Variants in WWOX observed in about 807,000 individuals in gnomAD.
WWOX encodes WW domain containing oxidoreductase.
Under a neutral mutation model 46.2 loss-of-function variants are expected in WWOX, and 69 were observed. That is an observed-to-expected ratio of 1.49 (90% CI 1.23 to 1.82). The LOEUF is 1.82. WWOX is among the 40% of genes most tolerant of loss of function. The pLI is 0.00. For missense variants in WWOX, 919 were observed against 542.6 expected (o/e 1.69, Z -6.89); for synonymous variants, 359 against 202.6 (o/e 1.77, Z -6.56).
intron 8 of WWOX, among the ~76,000 whole-genome samples, chr16:78,823,736 T>G (rs1161315732): frequency 6.6e-6 from 1 of 151,994 alleles, no homozygotes; most frequent in African/African-American, 2.4e-5. Flanking sequence ...GCTGTTTCTC[T>G]AAGGGGATGG....
At chr16:78,309,436 G>A (rs1190516544) in intron 5 of WWOX, among the ~76,000 whole-genome samples, 1 of 152,134 alleles carries the variant, frequency 6.6e-6, no homozygotes, top group African/African-American at 2.4e-5. Context: ...GTAGCAATGT[G>A]AGAATGGGCT....
intron 8 of WWOX, among the ~76,000 whole-genome samples, chr16:78,948,182 A>G (rs1161621701): frequency 6.6e-6 from 1 of 152,180 alleles, no homozygotes; most frequent in Non-Finnish European, 1.5e-5. Flanking sequence ...GTGGTTTGTC[A>G]GGACATTTAG....
At chr16:78,393,650 C>G (rs992414376) in intron 6 of WWOX, among the ~76,000 whole-genome samples, 1 of 151,922 alleles carries the variant, frequency 6.6e-6, no homozygotes, top group Admixed American at 6.6e-5. Flanking sequence ...TAATACTGAC[C>G]AAGGGTTTTG....
intron 6 of WWOX, among the ~76,000 whole-genome samples, chr16:78,401,472 C>G (rs998474499): frequency 3.9e-5 from 6 of 152,064 alleles, no homozygotes; most frequent in Non-Finnish European, 8.8e-5. Flanking sequence ...AAAAGAGTAA[C>G]CTATTTTGAT....
chr16:78,792,802 A>G lies in WWOX; in HGVS notation c.1056+360050A>G, dbSNP rs141227189. Among the ~76,000 whole-genome samples the G allele has an allele frequency of 4.6e-5, 7 of 152,252 alleles. No individual in the cohort carries two copies. The East Asian group carries it at 1.4e-3, about 29-fold the overall frequency. On this transcript the variant is annotated intron_variant, in intron 8 of 8. Coordinates refer to ENST00000566780, the MANE Select transcript of WWOX (RefSeq NM_016373.4). ...CCAAGGAAGGCCAGGATCCTCACCA[A>G]GATTGCCAGCAGGGAGCTCTGATTG... is the stretch of plus-strand genomic sequence containing the variant.
At chr16:78,462,404 T>G (rs945895599) in intron 8 of WWOX, among the ~76,000 whole-genome samples, 2 of 152,144 alleles carry the variant, frequency 1.3e-5, no homozygotes, top group Non-Finnish European at 1.5e-5. Context: ...GGCCATAGAT[T>G]TATCCTGTTG....
In WWOX at chr16:78,817,940, TGTGAAGA is replaced by T. The variant is rs140657711; in HGVS notation, c.1056+385189_1056+385195del. Among the ~76,000 whole-genome samples the T allele has an allele frequency of 3.6e-3, 543 of 152,284 alleles. 4 individuals carry two copies. Among genetic ancestry groups the T allele is most frequent in the African/African-American group, 0.013 (524 of 41,562 alleles). Reference sequence around the variant, plus strand: ...AAGGAGACTCTGAGTGCAAGTTTGTTGTGAAGAACACGTGCCTTGGAATTAACACCTA... The same window carrying T: ...AAGGAGACTCTGAGTGCAAGTTTGTTACACGTGCCTTGGAATTAACACCTA... On this transcript the variant is annotated intron_variant, in intron 8 of 8. Transcript: ENST00000566780.
At chr16:78,589,617 A>G (rs866691857) in intron 8 of WWOX, among the ~76,000 whole-genome samples, 2 of 152,218 alleles carry the variant, frequency 1.3e-5, no homozygotes, top group Admixed American at 6.5e-5. Flanking sequence ...GTGGTTGCTT[A>G]AGCAAGTAGT....
intron 8 of WWOX, among the ~76,000 whole-genome samples, chr16:78,846,171 G>C (rs2052293881): frequency 6.6e-6 from 1 of 152,164 alleles, no homozygotes; most frequent in African/African-American, 2.4e-5. Flanking sequence ...TTGGCTTACA[G>C]AAAAGCCATA....
chr16:78,538,358 G>C (rs1317575), intron 8 of WWOX, among the ~76,000 whole-genome samples: 86,139 of 151,488 alleles, frequency 0.57, 27,442 homozygotes, highest in Middle Eastern at 0.71. Context: ...TCTATACATT[G>C]ACGTTTGTTT....
intron 8 of WWOX, among the ~76,000 whole-genome samples, chr16:78,743,308 A>C (rs1208388449): frequency 6.6e-6 from 1 of 152,140 alleles, no homozygotes; most frequent in East Asian, 1.9e-4. Context: ...CTCATTTGCC[A>C]ATCTAGAAAG....
chr16:78,921,636 C>G (rs888767584), intron 8 of WWOX, among the ~76,000 whole-genome samples: 1 of 152,148 alleles, frequency 6.6e-6, no homozygotes, highest in Non-Finnish European at 1.5e-5. Context: ...TCTGGATGAC[C>G]TACAGGTCAT....
chr16:78,471,869 AT>A (rs1451004186), intron 8 of WWOX, among the ~76,000 whole-genome samples: 5 of 152,150 alleles, frequency 3.3e-5, no homozygotes, highest in African/African-American at 1.2e-4. Flanking sequence ...TAATGTACCA[AT>A]TTGCAATTTT....
At chr16:78,581,887 T>G (rs138109627) in intron 8 of WWOX, among the ~76,000 whole-genome samples, 2 of 152,302 alleles carry the variant, frequency 1.3e-5, no homozygotes, top group East Asian at 3.9e-4. Context: ...TATTTGAAAT[T>G]AAAATGTGTG....
At chr16:78,628,696 C>A (rs755866656) in intron 8 of WWOX, among the ~76,000 whole-genome samples, 1 of 151,970 alleles carries the variant, frequency 6.6e-6, no homozygotes, top group Non-Finnish European at 1.5e-5. Flanking sequence ...TTGTGAGTGA[C>A]GTGCTAGAAT....
At chr16:78,877,884 A>G (rs1013174321) in intron 8 of WWOX, among the ~76,000 whole-genome samples, 2 of 152,226 alleles carry the variant, frequency 1.3e-5, no homozygotes, top group Non-Finnish European at 2.9e-5. Context: ...CAGCCCAAAA[A>G]GCTAAATGAC....
At chr16:78,966,437 T>G (rs926895318) in intron 8 of WWOX, among the ~76,000 whole-genome samples, 1 of 152,154 alleles carries the variant, frequency 6.6e-6, no homozygotes, top group Admixed American at 6.5e-5. Context: ...AAAATACCCT[T>G]CCACAATATT....
rs114409462 is a variant in WWOX, at chr16:78,636,849, T to C, written c.1056+204097T>C. 5.1e-3 allele frequency among the ~76,000 whole-genome samples: 783 copies of C among 152,312 alleles called. 5 individuals carry two copies. The highest frequency in any genetic ancestry group is 0.018 in the African/African-American group (756 of 41,562). ...GCTCCTTCAGATACGCTCTTCATGG[T>C]ACAGCCCTGAGCTGCATCATTTAAA... On this transcript the variant is annotated intron_variant, in intron 8 of 8. Coordinates refer to ENST00000566780, the MANE Select transcript of WWOX (RefSeq NM_016373.4).
At chr16:78,551,046 A>G (rs1397713884) in intron 8 of WWOX, 1 of 152,234 alleles carries the variant, frequency 6.6e-6, no homozygotes, top group Non-Finnish European at 1.5e-5. Flanking sequence ...CCATGAAACA[A>G]GTATCGTGAA....
Sources: allele counts gnomAD v4.1 joint callset (sites outside exome capture counted in the v4.1 genomes callset), GRCh38; gene constraint gnomAD v4.1.1; transcripts MANE v1.5; gene names NCBI Gene and HGNC (gene_info 2026-07-23, HGNC 2026-07-21).